Variants in ST6GAL2 observed in about 807,000 individuals in gnomAD.
ST6GAL2 encodes the protein ST6 beta-galactoside alpha-2,6-sialyltransferase 2.
ST6GAL2 carries 24 observed loss-of-function variants against 37.5 expected under a neutral mutation model. That is an observed-to-expected ratio of 0.64 (90% CI 0.46 to 0.90). The LOEUF (loss-of-function observed/expected upper bound fraction) is 0.90, where lower values mean the gene tolerates loss of function less well. Ranked by LOEUF, ST6GAL2 falls within the 40% of genes least tolerant of loss-of-function variation. The pLI, the probability that ST6GAL2 is intolerant of heterozygous loss-of-function variation, is 0.00. For synonymous variants in ST6GAL2, 306 were observed against 295.1 expected (o/e 1.04, Z -0.38); for missense variants, 715 against 712.7 (o/e 1.00, Z -0.04).
chr2:106,858,295 CT>C (rs1315562294), intron 1 of ST6GAL2, among the ~76,000 whole-genome samples: 4 of 152,178 alleles, frequency 2.6e-5, no homozygotes, highest in African/African-American at 9.7e-5. Context: ...AAAAGAACTT[CT>C]CCTGCACTCA....
chr2:106,875,945 T>TA (rs928708884), intron 1 of ST6GAL2, among the ~76,000 whole-genome samples: 23 of 152,170 alleles, frequency 1.5e-4, no homozygotes, highest in African/African-American at 4.8e-4. Flanking sequence ...AAATGCCAAA[T>TA]AAAATTAAAC....
chr2:106,856,982 C>A (rs1677599475), intron 1 of ST6GAL2, among the ~76,000 whole-genome samples: 1 of 152,158 alleles, frequency 6.6e-6, no homozygotes, highest in Non-Finnish European at 1.5e-5. Flanking sequence ...TCCTGGTATA[C>A]ACAAAAATCA....
rs541113491 is a variant in ST6GAL2 at position 106,869,777 on chromosome 2, G to T, written c.-58+16316C>A. ...TGTTTAAGCCTAGACAGCTCCAAGG[G>T]GACACCTGTTGGCTGTTCTCCCTCG... On this transcript the variant is annotated intron_variant, in intron 1 of 5. Coordinates refer to ENST00000409382, the MANE Select transcript of ST6GAL2 (RefSeq NM_001142351.2). 2.0e-5 allele frequency among the ~76,000 whole-genome samples: 3 copies of T among 152,264 alleles called. No individual in the cohort carries two copies. The South Asian group carries it at 6.2e-4, about 32-fold the overall frequency.
intron 1 of ST6GAL2, among the ~76,000 whole-genome samples, chr2:106,869,420 G>T (rs146378543): frequency 1.3e-5 from 2 of 152,046 alleles, no homozygotes; most frequent in Non-Finnish European, 2.9e-5. Flanking sequence ...ATCTTCTCCC[G>T]CAGGAACTTC....
intron 5 of ST6GAL2, among the ~76,000 whole-genome samples, chr2:106,820,810 A>T (rs1408690075): frequency 1.3e-5 from 2 of 152,090 alleles, no homozygotes; most frequent in African/African-American, 4.8e-5. Flanking sequence ...ATAAAACTAG[A>T]ATTAACAAGA....
chr2:106,844,767 G>A (rs144825814), intron 1 of ST6GAL2, among the ~76,000 whole-genome samples: 2 of 152,160 alleles, frequency 1.3e-5, no homozygotes, highest in East Asian at 3.9e-4. Context: ...TGAAATAGGA[G>A]GAGAGATGGG....
intron 5 of ST6GAL2, among the ~76,000 whole-genome samples, chr2:106,823,858 A>G (rs1676103071): frequency 6.6e-6 from 1 of 152,132 alleles, no homozygotes; most frequent in African/African-American, 2.4e-5. Flanking sequence ...GGAAGAGGCA[A>G]ATGAGCTGTC....
intron 5 of ST6GAL2, among the ~76,000 whole-genome samples, chr2:106,815,220 T>C (rs1228356640): frequency 6.6e-6 from 1 of 152,194 alleles, no homozygotes; most frequent in East Asian, 1.9e-4. Context: ...GAAAGCAATA[T>C]GTCAGCTCTT....
intron 3 of ST6GAL2, among the ~76,000 whole-genome samples, chr2:106,832,978 T>A (rs1229835410): frequency 6.6e-6 from 1 of 152,160 alleles, no homozygotes; most frequent in Admixed American, 6.5e-5. Flanking sequence ...CACAACCTCT[T>A]CTACAATTGC....
intron 5 of ST6GAL2, among the ~76,000 whole-genome samples, chr2:106,826,669 G>A (rs1676220721): frequency 1.3e-5 from 2 of 152,104 alleles, no homozygotes; most frequent in Admixed American, 1.3e-4. Flanking sequence ...GGTGAATTGG[G>A]AATTACAATT....
intron 4 of ST6GAL2, among the ~76,000 whole-genome samples, chr2:106,830,714 A>C (rs912200745): frequency 6.6e-6 from 1 of 152,168 alleles, no homozygotes; most frequent in Non-Finnish European, 1.5e-5. Context: ...TGGGAACTGG[A>C]TCAGTGTATT....
intron 1 of ST6GAL2, among the ~76,000 whole-genome samples, chr2:106,852,941 AC>A (rs1455211158): frequency 2.6e-5 from 4 of 152,176 alleles, no homozygotes; most frequent in African/African-American, 9.7e-5. Context: ...AATCTTGACA[AC>A]AAATTCCTTA....
intron 1 of ST6GAL2, among the ~76,000 whole-genome samples, chr2:106,854,265 T>C (rs1203267837): frequency 6.6e-6 from 1 of 152,236 alleles, no homozygotes; most frequent in Non-Finnish European, 1.5e-5. Flanking sequence ...AAAGCCCTGT[T>C]GGCACCTGCA....
chr2:106,821,860 A>G (rs1676016757), intron 5 of ST6GAL2, among the ~76,000 whole-genome samples: 1 of 152,176 alleles, frequency 6.6e-6, no homozygotes, highest in African/African-American at 2.4e-5. Flanking sequence ...GGTTCAACAT[A>G]TGCAAATCAA....
chr2:106,858,032 C>T (rs1007594753), intron 1 of ST6GAL2, among the ~76,000 whole-genome samples: 4 of 152,198 alleles, frequency 2.6e-5, no homozygotes, highest in African/African-American at 9.6e-5. Flanking sequence ...GTCACATCTT[C>T]TTCTTAACAA....
Position 106,832,685 on chromosome 2 carries a change from A to C in ST6GAL2, c.1042-19T>G, listed in dbSNP as rs756971944. 1 of 1,489,602 alleles carries C rather than the reference A, an allele frequency of 6.7e-7. No individual in the cohort carries two copies. Among genetic ancestry groups the C allele is most frequent in the Non-Finnish European group, 9.4e-7 (1 of 1,066,498 alleles). The allele number at this position is 1,489,602 out of a possible 1,614,324, so 92.3% of individuals were successfully genotyped here. On this transcript the variant is annotated intron_variant, in intron 3 of 5. Coordinates refer to ENST00000409382, the MANE Select transcript of ST6GAL2 (RefSeq NM_001142351.2). ...TCAGAATCTGCAAACACACAGAAAA[A>C]CCATTTCAAAGCCAGGGTTTGGTTT... is the stretch of plus-strand genomic sequence containing the variant.
At position 106,830,095 on chromosome 2, in the gene ST6GAL2, T is replaced by G; in HGVS notation, c.1289A>C (p.Gln430Pro). The G allele has an allele frequency of 3.1e-6, 5 of 1,614,074 alleles. No homozygotes were observed. Among genetic ancestry groups the G allele is most frequent in the Non-Finnish European group, 4.2e-6 (5 of 1,179,996 alleles). The change falls in exon 5 of 6, where the codon CAA becomes CCA. Residue 430 changes from glutamine (Q) to proline (P), a missense_variant. Physicochemically the swap from Gln to Pro is moderately conservative, Grantham distance 76. This residue lies in a region of ST6GAL2 where 198 missense variants were observed against 203.6 expected (regional missense o/e 0.97). Transcript: ENST00000409382. ...IIQENTKEKI[Q>P]PNPPSSGFIG... Reference sequence around the variant, plus strand: ...GAAACCAGAAGATGGTGGGTTTGGTTGAATCTTCTCTTTAGTGTTCTCCTG... The same window carrying G: ...GAAACCAGAAGATGGTGGGTTTGGTGGAATCTTCTCTTTAGTGTTCTCCTG...
Position 106,843,637 on chromosome 2 carries a change from G to C in ST6GAL2, c.341C>G (p.Ser114Cys). Residue 114 changes from serine to cysteine, a missense_variant, in exon 2 of 6, where the codon TCC becomes TGC. Ser to Cys is a moderately radical substitution (Grantham distance 112, BLOSUM62 -1). Coordinates refer to ENST00000409382, the MANE Select transcript of ST6GAL2 (RefSeq NM_001142351.2). Reference sequence around the variant, plus strand: ...ACTTTGAGATTTTCTCCCCACCTGGGATGAAAAAAACTCTTTATGTTCAAA... The same window carrying C: ...ACTTTGAGATTTTCTCCCCACCTGGCATGAAAAAAACTCTTTATGTTCAAA... The part of the protein sequence containing the change: ...DGFEHKEFFS[S>C]QVGRKSQSAF... 1 of 1,613,768 alleles carries C rather than the reference G, an allele frequency of 6.2e-7. No individual in the cohort carries two copies. The highest frequency in any genetic ancestry group is 1.1e-5 in the South Asian group (1 of 91,084).
At chr2:106,818,840 T>C (rs1330361522) in intron 5 of ST6GAL2, among the ~76,000 whole-genome samples, 2 of 151,542 alleles carry the variant, frequency 1.3e-5, no homozygotes, top group African/African-American at 4.8e-5. Context: ...AAATTCAAGA[T>C]AACAGAAAGA....
Sources: gnomAD v4.1 joint callset for allele counts (sites outside exome capture counted in the v4.1 genomes callset) on GRCh38, gnomAD v4.1.1 for gene constraint, gnomAD v4.1.1 regional missense constraint, MANE v1.5 for transcripts, NCBI Gene and HGNC (gene_info 2026-07-23, HGNC 2026-07-21) for gene names.